EDC3: variants seen among roughly 807,000 people sequenced by gnomAD.
The protein encoded by EDC3 is enhancer of mRNA-decapping protein 3.
In EDC3, 20 loss-of-function variants were observed where a neutral mutation model predicts 41.8. That is an observed-to-expected ratio of 0.48 (90% CI 0.34 to 0.70). The LOEUF (loss-of-function observed/expected upper bound fraction) is 0.70. EDC3 is among the 30% of genes least tolerant of loss of function. EDC3 has a pLI of 0.01. For missense variants in EDC3, 444 were observed against 636.8 expected, an observed-to-expected ratio of 0.70 and a Z score of 3.26; for synonymous variants, 206 against 243.2, an observed-to-expected ratio of 0.85 and a Z score of 1.42.
rs1187787437 is a variant in EDC3 at position 74,671,729 on chromosome 15, A to G, written c.210T>C (p.Pro70=). ...GGTCTCCAAAATGTTGGTTGTCTCCAGGTCCTGGTATCTCCAGAATTTTTA... is the reference window on the plus strand; with the variant it reads ...GGTCTCCAAAATGTTGGTTGTCTCCGGGTCCTGGTATCTCCAGAATTTTTA... The part of the protein sequence containing the change: ...TELKILEIPG[P]GDNQHFGDLH... Residue 70 remains proline (P), a synonymous_variant, in exon 3 of 7, where the codon CCT becomes CCC. Coordinates refer to ENST00000315127, the MANE Select transcript of EDC3 (RefSeq NM_025083.5). This position sits in a 1 kb window ranked among gnomAD's most constrained non-coding sequence, Gnocchi z 4.6. 6.2e-7 allele frequency: 1 copy of G among 1,614,192 alleles called. No individual in the cohort carries two copies. The highest frequency in any genetic ancestry group is 1.1e-5 in the South Asian group (1 of 91,088).
intron 4 of EDC3, among the ~76,000 whole-genome samples, chr15:74,655,371 T>A (rs1000101298): frequency 2.0e-5 from 3 of 152,096 alleles, no homozygotes; most frequent in Non-Finnish European, 4.4e-5. Context: ...TAAAACAGAG[T>A]TGAAGTCTGG....
intron 1 of EDC3, among the ~76,000 whole-genome samples, chr15:74,679,490 C>T (rs546737565): frequency 1.3e-5 from 2 of 152,124 alleles, no homozygotes; most frequent in Admixed American, 1.3e-4. Flanking sequence ...AAATCATAAA[C>T]GTTATCACAT....
chr15:74,689,570 GC>G (rs2062979344), intron 1 of EDC3, among the ~76,000 whole-genome samples: 2 of 151,538 alleles, frequency 1.3e-5, no homozygotes, highest in African/African-American at 4.8e-5. Flanking sequence ...TTTCGCCCAG[GC>G]CGGACTGCAG....
At chr15:74,659,487 A>AATAT (rs10601683) in intron 3 of EDC3, among the ~76,000 whole-genome samples, 13 of 142,190 alleles carry the variant, frequency 9.1e-5, no homozygotes, top group East Asian at 8.1e-4. Context: ...AAAAAATAGA[A>AATAT]ATATATATAT....
chr15:74,679,392 C>T (rs1773201452), intron 1 of EDC3, among the ~76,000 whole-genome samples: 1 of 152,020 alleles, frequency 6.6e-6, no homozygotes, highest in African/African-American at 2.4e-5. Flanking sequence ...TAATATATCA[C>T]ATATATTTAG....
rs967402650 is a variant in EDC3, at chr15:74,631,213, G to A, written c.*1399C>T. On this transcript the variant is annotated 3_prime_UTR_variant, in exon 7 of 7. Transcript: ENST00000315127. ...TAACAGCCTGAAACCCGTGGTACCAGGGCCTACCCTATGTCCACAATCCTT... is the reference window on the plus strand; with the variant it reads ...TAACAGCCTGAAACCCGTGGTACCAAGGCCTACCCTATGTCCACAATCCTT... The A allele has an allele frequency of 6.6e-6, 1 of 152,314 alleles. No homozygotes were observed. The highest frequency in any genetic ancestry group is 2.1e-4 in the South Asian group (1 of 4,832). 9.4% of individuals were successfully genotyped at this position (152,314 alleles called of 1,614,324 possible).
chr15:74,639,258 T>C (rs942241645), intron 5 of EDC3: 11 of 152,074 alleles, frequency 7.2e-5, no homozygotes, highest in African/African-American at 2.4e-4. Flanking sequence ...AGACTAACTA[T>C]GTCATAGCTC....
intron 4 of EDC3, among the ~76,000 whole-genome samples, chr15:74,650,194 A>G (rs2062464810): frequency 6.6e-6 from 1 of 152,160 alleles, no homozygotes; most frequent in Non-Finnish European, 1.5e-5. Context: ...GATTTGGATC[A>G]TGTCATTTTC....
At chr15:74,651,237 T>C (rs2062476753) in intron 4 of EDC3, among the ~76,000 whole-genome samples, 1 of 152,144 alleles carries the variant, frequency 6.6e-6, no homozygotes, top group Non-Finnish European at 1.5e-5. Context: ...CCCTGGCCAA[T>C]CCAGAGTGTG....
chr15:74,665,798 CTTTT>C (rs916623879), intron 3 of EDC3, among the ~76,000 whole-genome samples: 12 of 137,264 alleles, frequency 8.7e-5, no homozygotes, highest in African/African-American at 8.0e-5. Flanking sequence ...TCTTTCTTTC[CTTTT>C]TTTTTTTTTT....
At chr15:74,695,625 A>C (rs2063056232) in intron 1 of EDC3, 1 of 152,356 alleles carries the variant, frequency 6.6e-6, no homozygotes, top group Non-Finnish European at 1.5e-5. Flanking sequence ...TAAGGGCCCA[A>C]GCAGCTAATG....
chr15:74,682,583 A>G (rs1307215298), intron 1 of EDC3, among the ~76,000 whole-genome samples: 1 of 141,880 alleles, frequency 7.0e-6, no homozygotes, highest in Non-Finnish European at 1.5e-5. Flanking sequence ...GGGCCACTGC[A>G]CTCCAGCCTG....
Position 74,640,584 on chromosome 15 carries a change from G to A in EDC3, c.856C>T (p.Leu286=), listed in dbSNP as rs754188914. The change falls in exon 5 of 7, where the codon CTG becomes TTG. Residue 286 remains leucine, a synonymous_variant. Coordinates refer to ENST00000315127, the MANE Select transcript of EDC3 (RefSeq NM_025083.5). ...GCCACGGACAACAGCTTTTTATGCA[G>A]CTCATAGGAAATACTTGGGACAACC... ...GLVVPSISYE[L]HKKLLSVAEK... is the part of the protein sequence containing the mutation. 1.2e-6 allele frequency: 2 copies of A among 1,614,220 alleles called. No individual in the cohort carries two copies. The highest frequency in any genetic ancestry group is 1.7e-6 in the Non-Finnish European group (2 of 1,180,034).
At chr15:74,652,489 A>C (rs1351056423) in intron 4 of EDC3, among the ~76,000 whole-genome samples, 1 of 151,970 alleles carries the variant, frequency 6.6e-6, no homozygotes, top group African/African-American at 2.4e-5. Flanking sequence ...CAGCCCCCCA[A>C]AGTGCTGGGA....
intron 1 of EDC3, among the ~76,000 whole-genome samples, chr15:74,675,789 G>C (rs2062799984): frequency 1.3e-5 from 2 of 151,386 alleles, no homozygotes; most frequent in African/African-American, 4.8e-5. Context: ...GCTGAGGCAG[G>C]AGAATGGCGT....
intron 5 of EDC3, chr15:74,636,352 G>T (rs1233264332): frequency 6.6e-6 from 1 of 152,364 alleles, no homozygotes; most frequent in African/African-American, 2.4e-5. Context: ...CACAAAGAAG[G>T]TAAGGTACTC....
At chr15:74,691,578 A>G (rs1160294271) in intron 1 of EDC3, among the ~76,000 whole-genome samples, 1 of 152,192 alleles carries the variant, frequency 6.6e-6, no homozygotes. Context: ...TGGAATACAC[A>G]TGTCCGTAGG....
chr15:74,687,290 C>G (rs1340270117), intron 1 of EDC3: 1 of 152,144 alleles, frequency 6.6e-6, no homozygotes, highest in Non-Finnish European at 1.5e-5. Context: ...AGTGATCTAA[C>G]TGAGCCAGTA....
At chr15:74,659,487 A>T (rs1481667529) in intron 3 of EDC3, among the ~76,000 whole-genome samples, 3 of 142,196 alleles carry the variant, frequency 2.1e-5, no homozygotes, top group Admixed American at 2.1e-4. Context: ...AAAAAATAGA[A>T]ATATATATAT....
Sources: allele counts gnomAD v4.1 joint callset (sites outside exome capture counted in the v4.1 genomes callset), GRCh38; gene constraint gnomAD v4.1.1; non-coding constraint Gnocchi (gnomAD v3.1); transcripts MANE v1.5; gene names NCBI Gene and HGNC (gene_info 2026-07-23, HGNC 2026-07-21).